The following SAP130 variants were observed in gnomAD, a reference collection of about 807,000 sequenced individuals.
SAP130 encodes Sin3A associated protein 130.
A neutral mutation model predicts 103.2 loss-of-function variants in SAP130; 16 were observed. The observed-to-expected ratio is 0.16, with a 90% CI of 0.10 to 0.24. The LOEUF is 0.24. Among genes scored for constraint, SAP130 ranks in the 10% least tolerant of loss-of-function variants. The pLI, the probability that SAP130 is intolerant of heterozygous loss-of-function variation, is 1.00. For synonymous variants in SAP130, 477 were observed against 497.0 expected (o/e 0.96, Z 0.53); for missense variants, 990 against 1,359.7 (o/e 0.73, Z 4.28).
chr2:127,966,317 C>T (rs894235087), intron 15 of SAP130, among the ~76,000 whole-genome samples: 1 of 151,704 alleles, frequency 6.6e-6, no homozygotes. Context: ...TGTACTCCAG[C>T]CTGGGGGACA....
At chr2:127,957,636 A>G (rs1430595486) in intron 15 of SAP130, among the ~76,000 whole-genome samples, 1 of 151,788 alleles carries the variant, frequency 6.6e-6, no homozygotes, top group African/African-American at 2.4e-5. Flanking sequence ...TGATGGCACC[A>G]CTGAACTCCA....
At chr2:127,999,958 G>A (rs768927014) in intron 9 of SAP130, 98 bp downstream of exon 9, 33 of 1,453,656 alleles carry the variant, frequency 2.3e-5, no homozygotes, top group Middle Eastern at 1.8e-4. Context: ...TTTCTAGCCC[G>A]TTGTTTTTCT....
At position 127,999,824 on chromosome 2, in the gene SAP130, G is replaced by A. The variant is rs755840662; in HGVS notation, c.1130C>T (p.Ala377Val). The change falls in exon 10 of 21, where the codon GCT becomes GTT. Residue 377 changes from alanine (A) to valine (V), a missense_variant. Coordinates refer to ENST00000643581, the MANE Select transcript of SAP130 (RefSeq NM_001330301.2). Reference sequence around the variant, plus strand: ...CATGGTAACAATGGTACTTGTGGGAGCTTGCGTGTGTGACACAGATCCTGA... The same window carrying A: ...CATGGTAACAATGGTACTTGTGGGAACTTGCGTGTGTGACACAGATCCTGA... Reference protein sequence around the residue: ...TTAGSVSHTQAPTSTIVTMTV... With the variant: ...TTAGSVSHTQVPTSTIVTMTV... 6.5e-7 allele frequency: 1 copy of A among 1,535,888 alleles called. No homozygotes were observed. The highest frequency in any genetic ancestry group is 2.3e-5 in the East Asian group (1 of 44,242).
At chr2:127,965,682 C>T (rs1039666773) in intron 15 of SAP130, among the ~76,000 whole-genome samples, 1 of 151,500 alleles carries the variant, frequency 6.6e-6, no homozygotes, top group Admixed American at 6.6e-5. Context: ...CTCAGCCACT[C>T]GGGAGGCTAA....
intron 15 of SAP130, among the ~76,000 whole-genome samples, chr2:127,957,820 G>T (rs1316913250): frequency 6.6e-6 from 1 of 152,004 alleles, no homozygotes; most frequent in African/African-American, 2.4e-5. Context: ...GAAAGAAAAA[G>T]AGAGAAGAGA....
chr2:128,012,859 A>C (rs546616200), intron 6 of SAP130, among the ~76,000 whole-genome samples, 171 bp downstream of exon 6: 1 of 150,486 alleles, frequency 6.6e-6, no homozygotes, highest in Admixed American at 6.7e-5. Flanking sequence ...AAGGCTTCCC[A>C]CCATCTCTCC....
In SAP130 at chr2:128,026,248, C is replaced by T. The variant is rs565463481; in HGVS notation, c.45G>A (p.Gly15=). ...QFPRLGAPST[G]LSQAPSQIAN... is the part of the protein sequence containing the mutation. ...CAATCTGAGAAGGGGCCTGGCTCAG[C>T]CCGGTAGAAGGGGCTCCTAACCGAG... Residue 15 remains glycine, a synonymous_variant, in exon 2 of 21, where the codon GGG becomes GGA. Transcript: ENST00000643581. The T allele has an allele frequency of 1.2e-6, 2 of 1,614,104 alleles. No individual in the cohort carries two copies. The highest frequency in any genetic ancestry group is 1.7e-6 in the Non-Finnish European group (2 of 1,180,004).
At position 127,977,537 on chromosome 2, in the gene SAP130, T is replaced by A. The variant is rs76462728; in HGVS notation, c.2063+448A>T. On this transcript the variant is annotated intron_variant, in intron 15 of 20. Transcript: ENST00000643581. Reference sequence around the variant, plus strand: ...AACAAAAATAAATACTGTCACGATGTCATTTTTGAATGCCATAGCAACTGG... The same window carrying A: ...AACAAAAATAAATACTGTCACGATGACATTTTTGAATGCCATAGCAACTGG... Among the ~76,000 whole-genome samples, 558 of 152,022 alleles carry A rather than the reference T, an allele frequency of 3.7e-3. 1 individual carries two copies. Among genetic ancestry groups the A allele is most frequent in the Middle Eastern group, 0.014 (4 of 290 alleles).
intron 11 of SAP130, among the ~76,000 whole-genome samples, chr2:127,995,446 T>C (rs1461830505): frequency 6.6e-6 from 1 of 152,134 alleles, no homozygotes; most frequent in Non-Finnish European, 1.5e-5. Context: ...CAGCAATGGA[T>C]TCTAATAATG....
At chr2:127,951,234 C>T (rs539564551) in intron 16 of SAP130, among the ~76,000 whole-genome samples, 4 of 152,146 alleles carry the variant, frequency 2.6e-5, no homozygotes, top group African/African-American at 4.8e-5. Context: ...GTTGTGAGGA[C>T]GTAAACATTT....
Position 127,996,388 on chromosome 2 carries a change from A to G in SAP130, c.1317T>C (p.Ser439=), listed in dbSNP as rs772110615. ...SLIPISGHRA[S]PNPVAMETRS... is the part of the protein sequence containing the mutation. ...GGGTTTCCATGGCCACAGGATTGGGAGAGGCCCGATGTCCGGAGATGGGAA... is the reference window on the plus strand; with the variant it reads ...GGGTTTCCATGGCCACAGGATTGGGGGAGGCCCGATGTCCGGAGATGGGAA... Residue 439 remains serine (S), a synonymous_variant, in exon 11 of 21, where the codon TCT becomes TCC. Transcript: ENST00000643581. This position sits in a 1 kb window ranked among gnomAD's most constrained non-coding sequence, Gnocchi z 4.3. 4 of 1,611,582 alleles carry G rather than the reference A, an allele frequency of 2.5e-6. No individual in the cohort carries two copies. Among genetic ancestry groups the G allele is most frequent in the Middle Eastern group, 1.7e-4 (1 of 6,060 alleles).
At chr2:127,997,245 A>G (rs928620448) in intron 10 of SAP130, among the ~76,000 whole-genome samples, 1 of 152,224 alleles carries the variant, frequency 6.6e-6, no homozygotes, top group Non-Finnish European at 1.5e-5. Flanking sequence ...TTTGGAAGGT[A>G]TAGCTGAACT....
intron 15 of SAP130, among the ~76,000 whole-genome samples, chr2:127,973,430 C>T (rs10928792): frequency 6.6e-6 from 1 of 152,162 alleles, no homozygotes; most frequent in African/African-American, 2.4e-5. Flanking sequence ...GGGGGTTTCT[C>T]CATGTTGGTC....
At chr2:128,010,169 A>C in intron 7 of SAP130, 100 bp downstream of exon 7, 1 of 1,290,138 alleles carries the variant, frequency 7.8e-7, no homozygotes, top group East Asian at 2.4e-5. Flanking sequence ...AAAAAAAAAA[A>C]GCCACTCAAT....
chr2:127,954,801 AG>A (rs1679718214), intron 16 of SAP130, among the ~76,000 whole-genome samples, 184 bp downstream of exon 16: 3 of 152,248 alleles, frequency 2.0e-5, no homozygotes, highest in Non-Finnish European at 1.5e-5. Context: ...GAAGCAAAGT[AG>A]TTTTACTTTT....
In SAP130 at chr2:128,013,082, T is replaced by C. The variant is rs756761174; in HGVS notation, c.692A>G (p.Asn231Ser). 1.9e-6 allele frequency: 3 copies of C among 1,613,462 alleles called. No homozygotes were observed. In the East Asian group the frequency reaches 6.7e-5, roughly 36 times the overall value. Residue 231 changes from asparagine (N) to serine (S), a missense_variant, in exon 6 of 21, where the codon AAT (asparagine) becomes AGT (serine). Around this residue, in one of 6 missense-constraint regions of SAP130, gnomAD observed 336 missense variants for 520.1 expected, o/e 0.65. Coordinates refer to ENST00000643581, the MANE Select transcript of SAP130 (RefSeq NM_001330301.2). Reference sequence around the variant, plus strand: ...TACTGCTGGCTGAGCAGTAGCAGCATTTGGCAGCTGTGAGGTCGGCCTCAG... The same window carrying C: ...TACTGCTGGCTGAGCAGTAGCAGCACTTGGCAGCTGTGAGGTCGGCCTCAG... ...TVLRPTSQLP[N>S]AATAQPAVQH...
At chr2:128,022,823 T>C (rs891845866) in intron 2 of SAP130, among the ~76,000 whole-genome samples, 1 of 152,144 alleles carries the variant, frequency 6.6e-6, no homozygotes, top group Non-Finnish European at 1.5e-5. Flanking sequence ...TACTGAGTTA[T>C]AAGTTCTTGT....
intron 7 of SAP130, among the ~76,000 whole-genome samples, chr2:128,008,582 G>C (rs1223333259): frequency 6.7e-6 from 1 of 150,260 alleles, no homozygotes; most frequent in Non-Finnish European, 1.5e-5. Flanking sequence ...TGTTGCTGGG[G>C]CTGGTCTTGA....
rs371687699 is a variant in SAP130 at position 127,969,200 on chromosome 2, T to C, written c.2063+8785A>G. On this transcript the variant is annotated intron_variant, in intron 15 of 20. Transcript: ENST00000643581. ...GAGGGAGACATGAAACAGCACACCA[T>C]TCTACATAATTATTCCATGGGAAGA... 3.9e-5 allele frequency among the ~76,000 whole-genome samples: 6 copies of C among 152,254 alleles called. No homozygotes were observed. In the East Asian group the frequency reaches 1.2e-3, roughly 29 times the overall value.
Sources: gnomAD v4.1 joint callset for allele counts (sites outside exome capture counted in the v4.1 genomes callset) on GRCh38, gnomAD v4.1.1 for gene constraint, gnomAD v4.1.1 regional missense constraint, Gnocchi (gnomAD v3.1) non-coding constraint, MANE v1.5 for transcripts, NCBI Gene and HGNC (gene_info 2026-07-23, HGNC 2026-07-21) for gene names.